The following STX11 variants were observed in gnomAD, a reference collection of about 807,000 sequenced individuals.
STX11 encodes syntaxin 11, also known as syntaxin-11.
In STX11, 21 loss-of-function variants were observed where a neutral mutation model predicts 19.9. That is an observed-to-expected ratio of 1.06 (90% confidence interval 0.75 to 1.52). The LOEUF is 1.52. STX11 is among the 40% of genes most tolerant of loss of function. The probability of loss-of-function intolerance (pLI) is 0.00; values close to 1 mark genes in which losing one functional copy is unlikely to be tolerated. For missense variants in STX11, 438 were observed against 405.9 expected, an observed-to-expected ratio of 1.08 and a Z score of -0.68; for synonymous variants, 193 against 174.4, an observed-to-expected ratio of 1.11 and a Z score of -0.84.
intron 1 of STX11, among the ~76,000 whole-genome samples, chr6:144,161,972 T>C (rs1290638151): frequency 6.6e-6 from 1 of 152,220 alleles, no homozygotes. Flanking sequence ...CTCAGTGTGC[T>C]GGTAAGTAGG....
In STX11 at chr6:144,189,223, T is replaced by C. The variant is rs536963351; in HGVS notation, c.*1732T>C. Among the ~76,000 whole-genome samples the C allele has an allele frequency of 1.3e-5, 2 of 152,320 alleles. No homozygotes were observed. Among genetic ancestry groups the C allele is most frequent in the Non-Finnish European group, 1.5e-5 (1 of 68,030 alleles). Reference sequence around the variant, plus strand: ...TTTTCTGTAGAGACAGGGTTTGCCATGTGGCCCAGGCTGGTCTCAAACTTG... The same window carrying C: ...TTTTCTGTAGAGACAGGGTTTGCCACGTGGCCCAGGCTGGTCTCAAACTTG... On this transcript the variant is annotated 3_prime_UTR_variant, in exon 2 of 2. Coordinates refer to ENST00000367568, the MANE Select transcript of STX11 (RefSeq NM_003764.4).
At position 144,186,748 on chromosome 6, in the gene STX11, C is replaced by A. The variant is rs766869715; in HGVS notation, c.121C>A (p.Leu41Met). 7 of 1,614,032 alleles carry A rather than the reference C, an allele frequency of 4.3e-6. No homozygotes were observed. In the East Asian group the frequency reaches 1.6e-4, roughly 36 times the overall value. The change falls in exon 2 of 2, where the codon CTG (leucine) becomes ATG (methionine). Residue 41 changes from leucine (L) to methionine (M), a missense_variant. Coordinates refer to ENST00000367568, the MANE Select transcript of STX11 (RefSeq NM_003764.4). The stretch of plus-strand genomic sequence containing the variant: ...CATCGTGTTCGAGACGGACCACATC[C>A]TGGAGTCCCTGTACCGAGACATCCG... Reference protein sequence around the residue: ...EDIVFETDHILESLYRDIRDI... With the variant: ...EDIVFETDHIMESLYRDIRDI...
rs765962534 is a variant in STX11, at chr6:144,186,616, C to G, written c.-5-7C>G. On this transcript the variant is annotated splice_polypyrimidine_tract_variant and splice_region_variant and intron_variant, in intron 1 of 1. Coordinates refer to ENST00000367568, the MANE Select transcript of STX11 (RefSeq NM_003764.4). ...GAGAAATTTAACTTCATTATCTCTA[C>G]TTGCAGGCAAAATGAAAGACCGGCT... 1.9e-6 allele frequency: 3 copies of G among 1,614,008 alleles called. No individual in the cohort carries two copies. Among genetic ancestry groups the G allele is most frequent in the South Asian group, 2.2e-5 (2 of 91,088 alleles).
rs1010992105 is a variant in STX11 at position 144,191,793 on chromosome 6, C to T, written c.*4302C>T. Among the ~76,000 whole-genome samples the T allele has an allele frequency of 6.6e-6, 1 of 152,030 alleles. No individual in the cohort carries two copies. Among genetic ancestry groups the T allele is most frequent in the African/African-American group, 2.4e-5 (1 of 41,358 alleles). ...AAATGGGGCTATTAGAAATGGAAAA[C>T]GAATAGGATCTAGAATGTAACTTCA... On this transcript the variant is annotated 3_prime_UTR_variant, in exon 2 of 2. Coordinates refer to ENST00000367568, the MANE Select transcript of STX11 (RefSeq NM_003764.4).
rs1318529745 is a variant in STX11, at chr6:144,150,624, T to A, written c.-85T>A. On this transcript the variant is annotated 5_prime_UTR_variant, in exon 1 of 2. Transcript: ENST00000367568. ...CCGGGAGTCGCGCAACAGGTTTCCT[T>A]CTCCATCGCTGCGCCCACAGGGGAC... 1 of 984,876 alleles carries A rather than the reference T, an allele frequency of 1.0e-6. No homozygotes were observed. The highest frequency in any genetic ancestry group is 1.1e-4 in the East Asian group (1 of 8,764). 61.0% of individuals were successfully genotyped at this position (984,876 alleles called of 1,614,324 possible). A position where few individuals can be genotyped will look rare whatever the true frequency, so the allele number is the denominator to read the frequency against.
In STX11 at chr6:144,190,515, T is replaced by G. The variant is rs193280994; in HGVS notation, c.*3024T>G. Among the ~76,000 whole-genome samples, 1 of 152,076 alleles carries G rather than the reference T, an allele frequency of 6.6e-6. No individual in the cohort carries two copies. Among genetic ancestry groups the G allele is most frequent in the Non-Finnish European group, 1.5e-5 (1 of 68,014 alleles). Reference sequence around the variant, plus strand: ...GAGGAAAAATAAAGCCTATTTTTTGTTAACAGTCTTAATAAATAATAAAAT... The same window carrying G: ...GAGGAAAAATAAAGCCTATTTTTTGGTAACAGTCTTAATAAATAATAAAAT... On this transcript the variant is annotated 3_prime_UTR_variant, in exon 2 of 2. Transcript: ENST00000367568.
chr6:144,191,764 A>G lies in STX11; in HGVS notation c.*4273A>G, dbSNP rs927849154. ...AGCGGAGTTGAAAATCATTGCAATT[A>G]ATAAAATGGGGCTATTAGAAATGGA... On this transcript the variant is annotated 3_prime_UTR_variant, in exon 2 of 2. Coordinates refer to ENST00000367568, the MANE Select transcript of STX11 (RefSeq NM_003764.4). Among the ~76,000 whole-genome samples, 6 of 152,224 alleles carry G rather than the reference A, an allele frequency of 3.9e-5. No individual in the cohort carries two copies. Among genetic ancestry groups the G allele is most frequent in the Non-Finnish European group, 7.3e-5 (5 of 68,040 alleles).
At chr6:144,164,433 A>G (rs935981968) in intron 1 of STX11, among the ~76,000 whole-genome samples, 2 of 152,218 alleles carry the variant, frequency 1.3e-5, no homozygotes, top group African/African-American at 4.8e-5. Flanking sequence ...ATGATTCTGC[A>G]TGGATACTGA....
rs104893996 is a variant in STX11, at chr6:144,187,429, C to T, written c.802C>T (p.Gln268Ter). Residue 268 changes from glutamine (Q) to a stop codon, truncating the protein, a stop_gained, in exon 2 of 2, where the codon CAG becomes TAG. Transcript: ENST00000367568. LOFTEE classifies it high-confidence loss of function. This position sits in a 1 kb window ranked among gnomAD's most constrained non-coding sequence, Gnocchi z 5.6. Reference protein sequence around the residue: ...QAKAQVRKAVQYEEKNPCRTL... With the variant: ...QAKAQVRKAV Reference sequence around the variant, plus strand: ...CAAGGCGCAGGTGCGGAAGGCCGTGCAGTACGAGGAGAAGAACCCCTGCCG... The same window carrying T: ...CAAGGCGCAGGTGCGGAAGGCCGTGTAGTACGAGGAGAAGAACCCCTGCCG... The T allele has an allele frequency of 1.9e-6, 3 of 1,611,916 alleles. No homozygotes were observed. Among genetic ancestry groups the T allele is most frequent in the Non-Finnish European group, 2.5e-6 (3 of 1,179,974 alleles).
intron 1 of STX11, among the ~76,000 whole-genome samples, chr6:144,163,453 A>C (rs917507326): frequency 1.3e-5 from 2 of 151,954 alleles, no homozygotes; most frequent in Non-Finnish European, 2.9e-5. Flanking sequence ...CATCTCTACA[A>C]AATTTTTTAT....
chr6:144,142,419 A>G, the STX11 span, among the ~76,000 whole-genome samples: 1 of 152,180 alleles, frequency 6.6e-6, no homozygotes, highest in Non-Finnish European at 1.5e-5. Context: ...CATATCTAGA[A>G]GTAATTTAAG....
At chr6:144,141,964 G>A in the STX11 span, among the ~76,000 whole-genome samples, 7 of 152,100 alleles carry the variant, frequency 4.6e-5, no homozygotes, top group African/African-American at 1.7e-4. Flanking sequence ...TTACAGGCGA[G>A]AGCCACTGCG....
chr6:144,152,791 AC>A lies in STX11; in HGVS notation c.-6+2091del. Reference sequence around the variant, plus strand: ...TGGGACTACAGACACCCACCACAACACCCGGCTAATTTTTGTATTTTTAGTA... The same window carrying A: ...TGGGACTACAGACACCCACCACAACACCGGCTAATTTTTGTATTTTTAGTA... On this transcript the variant is annotated intron_variant, in intron 1 of 1. Coordinates refer to ENST00000367568, the MANE Select transcript of STX11 (RefSeq NM_003764.4). The surrounding 1 kb of genome is among the most constrained non-coding windows in gnomAD (Gnocchi z 4.9). Among the ~76,000 whole-genome samples, 1 of 152,166 alleles carries A rather than the reference AC, an allele frequency of 6.6e-6. No homozygotes were observed.
At chr6:144,143,992 G>A in the STX11 span, among the ~76,000 whole-genome samples, 1 of 152,324 alleles carries the variant, frequency 6.6e-6, no homozygotes, top group African/African-American at 2.4e-5. Context: ...ATTAATATAT[G>A]AGAGCTAGAC....
At chr6:144,171,719 CTT>C (rs11357442) in intron 1 of STX11, among the ~76,000 whole-genome samples, 11 of 150,634 alleles carry the variant, frequency 7.3e-5, no homozygotes, top group African/African-American at 1.9e-4. Context: ...TTTTTAGCAT[CTT>C]TTTTTTTTCT....
rs966036296 is a variant in STX11, at chr6:144,172,811, G to A, written c.-5-13812G>A. Among the ~76,000 whole-genome samples, 19 of 151,876 alleles carry A rather than the reference G, an allele frequency of 1.3e-4. No homozygotes were observed. Among genetic ancestry groups the A allele is most frequent in the Non-Finnish European group, 2.5e-4 (17 of 67,992 alleles). ...CCTCTTGATCCCAAGACAATGAACA[G>A]GCTGTCTTTCCCATACACATCCAAC... is the stretch of plus-strand genomic sequence containing the variant. On this transcript the variant is annotated intron_variant, in intron 1 of 1. Coordinates refer to ENST00000367568, the MANE Select transcript of STX11 (RefSeq NM_003764.4). The surrounding 1 kb of genome is among the most constrained non-coding windows in gnomAD (Gnocchi z 4.2).
At chr6:144,149,981 A>G (rs557975935), upstream of STX11, among the ~76,000 whole-genome samples, 23 of 149,942 alleles carry the variant, frequency 1.5e-4, 1 homozygote, top group East Asian at 4.3e-3. The surrounding 1 kb of genome is among the most constrained non-coding windows in gnomAD (Gnocchi z 5.1). Context: ...GAGAATGATG[A>G]GCCCGGCGGG....
rs1437526202 is a variant in STX11, at chr6:144,188,706, G to A, written c.*1215G>A. Among the ~76,000 whole-genome samples the A allele has an allele frequency of 1.1e-5, 1 of 93,594 alleles. No homozygotes were observed. The highest frequency in any genetic ancestry group is 7.7e-5 in the African/African-American group (1 of 12,940). The allele number at this position is 93,594 out of a possible 152,430, so 61.4% of individuals were successfully genotyped here. A position where few individuals can be genotyped will look rare whatever the true frequency, so the allele number is the denominator to read the frequency against. On this transcript the variant is annotated 3_prime_UTR_variant, in exon 2 of 2. Transcript: ENST00000367568. ...CATTTAGTTTACTTTCTCAATTATT[G>A]TTAAAATTTTTCTTTTTCCTTTTTT...
intron 1 of STX11, among the ~76,000 whole-genome samples, chr6:144,157,184 C>T (rs546861949): frequency 4.0e-4 from 61 of 152,228 alleles, no homozygotes; most frequent in African/African-American, 1.4e-3. Flanking sequence ...GAGAGGGAAA[C>T]GGGATTGCAC....
Sources: gnomAD v4.1 joint callset for allele counts (sites outside exome capture counted in the v4.1 genomes callset) on GRCh38, gnomAD v4.1.1 for gene constraint, Gnocchi (gnomAD v3.1) non-coding constraint, MANE v1.5 for transcripts, NCBI Gene and HGNC (gene_info 2026-07-23, HGNC 2026-07-21) for gene names.